Variants in KMT2C observed in about 807,000 individuals in gnomAD.
The protein encoded by KMT2C is lysine methyltransferase 2C.
KMT2C carries 88 observed loss-of-function variants against 507.9 expected under a neutral mutation model. The observed-to-expected ratio is 0.17, with a 90% CI of 0.15 to 0.21. KMT2C has a LOEUF of 0.21. Among genes scored for constraint, KMT2C ranks in the 10% least tolerant of loss-of-function variants. The pLI, the probability that KMT2C is intolerant of heterozygous loss-of-function variation, is 1.00. For synonymous variants in KMT2C, 2,049 were observed against 2,080.8 expected, an observed-to-expected ratio of 0.98 and a Z score of 0.42; for missense variants, 4,954 against 5,957.8, an observed-to-expected ratio of 0.83 and a Z score of 5.55.
chr7:152,299,167 A>C (rs2096542540), intron 6 of KMT2C, among the ~76,000 whole-genome samples: 1 of 151,808 alleles, frequency 6.6e-6, no homozygotes, highest in South Asian at 2.1e-4. Context: ...AAAATACAAA[A>C]ATTAGCTGGG....
Position 152,162,622 on chromosome 7 carries a change from A to G in KMT2C, c.10955T>C (p.Leu3652Pro). The change falls in exon 43 of 59, where the codon CTT becomes CCT. Residue 3652 changes from leucine (L) to proline (P), a missense_variant. By Grantham distance (98) the Leu-to-Pro change is moderately conservative. This residue lies in a region of KMT2C where 801 missense variants were observed against 751.2 expected (regional missense o/e 1.07). Transcript: ENST00000262189. Reference protein sequence around the residue: ...STPAVSTPSELPQQADQESVE... With the variant: ...STPAVSTPSEPPQQADQESVE... ...CGACTCTTGGTCGGCTTGTTGAGGA[A>G]GCTCACTGGGTGTGCTCACTGCAGG... 1 of 1,614,218 alleles carries G rather than the reference A, an allele frequency of 6.2e-7. No individual in the cohort carries two copies. The highest frequency in any genetic ancestry group is 8.5e-7 in the Non-Finnish European group (1 of 1,180,032).
rs2089841158 is a variant in KMT2C at position 152,135,945 on chromosome 7, T to A, written c.*887A>T. 1.3e-5 allele frequency: 3 copies of A among 229,042 alleles called. No homozygotes were observed. The highest frequency in any genetic ancestry group is 2.6e-5 in the Non-Finnish European group (3 of 115,254). The allele number at this position is 229,042 out of a possible 1,614,324, so 14.2% of individuals were successfully genotyped here. On this transcript the variant is annotated 3_prime_UTR_variant, in exon 59 of 59. Coordinates refer to ENST00000262189, the MANE Select transcript of KMT2C (RefSeq NM_170606.3). ...TACATAATTATAATGGCATATTTTA[T>A]AACACAAAATTATATTGTAACATCC...
At chr7:152,216,275 A>T (rs2094580613) in intron 23 of KMT2C, among the ~76,000 whole-genome samples, 1 of 152,240 alleles carries the variant, frequency 6.6e-6, no homozygotes, top group Non-Finnish European at 1.5e-5. Context: ...TGAATGAGAA[A>T]GAAGTATGCT....
intron 3 of KMT2C, among the ~76,000 whole-genome samples, chr7:152,326,867 C>G (rs954225027): frequency 6.6e-6 from 1 of 151,934 alleles, no homozygotes; most frequent in Admixed American, 6.6e-5. Context: ...GGCGACAGAG[C>G]AAGACTCTGT....
intron 6 of KMT2C, among the ~76,000 whole-genome samples, chr7:152,301,197 TAAAA>T (rs71533557): frequency 6.8e-5 from 9 of 132,522 alleles, no homozygotes; most frequent in Admixed American, 7.7e-5. Flanking sequence ...CCCTGTCTCC[TAAAA>T]AAAAAAAAAA....
At chr7:152,302,328 A>G (rs2096576709) in intron 6 of KMT2C, among the ~76,000 whole-genome samples, 2 of 152,138 alleles carry the variant, frequency 1.3e-5, no homozygotes, top group South Asian at 4.1e-4. Flanking sequence ...GATTCAAGTG[A>G]TTCTCCTGCC....
At chr7:152,334,776 A>C (rs2096919003) in intron 2 of KMT2C, among the ~76,000 whole-genome samples, 1 of 152,234 alleles carries the variant, frequency 6.6e-6, no homozygotes, top group Non-Finnish European at 1.5e-5. Flanking sequence ...AAGACAGAAG[A>C]AACCTGGGTC....
intron 43 of KMT2C, among the ~76,000 whole-genome samples, chr7:152,160,109 G>A (rs1324574989): frequency 6.6e-6 from 1 of 152,034 alleles, no homozygotes; most frequent in Non-Finnish European, 1.5e-5. Flanking sequence ...AAAATTCACG[G>A]ACAAATTTGA....
At chr7:152,424,558 G>A (rs962890391) in intron 1 of KMT2C, among the ~76,000 whole-genome samples, 1 of 152,056 alleles carries the variant, frequency 6.6e-6, no homozygotes, top group African/African-American at 2.4e-5. Context: ...AAGTAGCTAG[G>A]ACTACAGAGA....
At chr7:152,209,161 C>CA (rs113423948) in intron 23 of KMT2C, among the ~76,000 whole-genome samples, 2,038 of 60,328 alleles carry the variant, frequency 0.034, 36 homozygotes, top group African/African-American at 0.1. Flanking sequence ...TTCCAACTCT[C>CA]AAAAAAAAAA....
chr7:152,220,179 G>A, intron 23 of KMT2C: 1 of 251,182 alleles, frequency 4.0e-6, no homozygotes, highest in Non-Finnish European at 7.7e-6. Context: ...TACCTTAACT[G>A]AAACATGGTA....
At chr7:152,201,617 G>GGAAAAAAAA (rs1491277955) in intron 26 of KMT2C, among the ~76,000 whole-genome samples, 4 of 22,874 alleles carry the variant, frequency 1.7e-4, no homozygotes, top group Admixed American at 5.3e-4. Context: ...CAACAAAGAT[G>GGAAAAAAAA]AAAAAAAAAA....
chr7:152,147,903 T>G, intron 52 of KMT2C, 130 bp downstream of exon 52: 4 of 1,007,504 alleles, frequency 4.0e-6, no homozygotes, highest in Non-Finnish European at 5.6e-6. Context: ...CATTGGCATT[T>G]GTAAATGAAA....
At chr7:152,424,729 C>T (rs1247674789) in intron 1 of KMT2C, among the ~76,000 whole-genome samples, 4 of 152,114 alleles carry the variant, frequency 2.6e-5, no homozygotes, top group South Asian at 4.1e-4. Flanking sequence ...CCGGCCCCTT[C>T]GCTAATCTTA....
At chr7:152,164,969 A>G (rs1400993898) in intron 42 of KMT2C, among the ~76,000 whole-genome samples, 1 of 152,242 alleles carries the variant, frequency 6.6e-6, no homozygotes, top group East Asian at 1.9e-4. Context: ...AAATATTAAT[A>G]TACTAAACTC....
intron 1 of KMT2C, chr7:152,367,744 A>C: frequency 9.1e-7 from 1 of 1,103,102 alleles, no homozygotes; most frequent in Non-Finnish European, 1.4e-6. Flanking sequence ...CCTCTTATCG[A>C]TTACATTGAT....
At chr7:152,293,764 A>G (rs1192143753) in intron 6 of KMT2C, among the ~76,000 whole-genome samples, 3 of 152,228 alleles carry the variant, frequency 2.0e-5, no homozygotes, top group Non-Finnish European at 2.9e-5. Context: ...TAGGCATACA[A>G]AACTCTTAAT....
At chr7:152,276,581 C>A (rs996799313) in intron 6 of KMT2C, among the ~76,000 whole-genome samples, 2 of 151,856 alleles carry the variant, frequency 1.3e-5, no homozygotes, top group Non-Finnish European at 2.9e-5. Flanking sequence ...GGTGAAACTC[C>A]ATCTCTACAA....
chr7:152,234,016 T>C (rs1377203769), intron 16 of KMT2C, among the ~76,000 whole-genome samples: 1 of 151,586 alleles, frequency 6.6e-6, no homozygotes, highest in Non-Finnish European at 1.5e-5. Context: ...GCGCCAGTAA[T>C]CCCAGCTACT....
Sources: allele counts gnomAD v4.1 joint callset (sites outside exome capture counted in the v4.1 genomes callset), GRCh38; gene constraint gnomAD v4.1.1; regional missense constraint gnomAD v4.1.1; transcripts MANE v1.5; gene names NCBI Gene and HGNC (gene_info 2026-07-23, HGNC 2026-07-21).